The following DLGAP2 variants were observed in gnomAD, a reference collection of about 807,000 sequenced individuals.
DLGAP2 encodes disks large-associated protein 2.
A neutral mutation model predicts 100.3 loss-of-function variants in DLGAP2; 26 were observed. The observed-to-expected ratio is 0.26, with a 90% CI of 0.19 to 0.36. The LOEUF (loss-of-function observed/expected upper bound fraction) is 0.36. Among genes scored for constraint, DLGAP2 ranks in the 10% least tolerant of loss-of-function variants. The probability of loss-of-function intolerance (pLI) is 1.00; values close to 1 mark genes in which losing one functional copy is unlikely to be tolerated. For missense variants in DLGAP2, 1,858 were observed against 1,453.2 expected (o/e 1.28, Z -4.53); for synonymous variants, 886 against 630.1 (o/e 1.41, Z -6.08).
At chr8:1,204,217 C>T (rs1698762026) in intron 2 of DLGAP2, among the ~76,000 whole-genome samples, 2 of 152,224 alleles carry the variant, frequency 1.3e-5, no homozygotes, top group Non-Finnish European at 2.9e-5. Flanking sequence ...TTTTTATCTG[C>T]TCCTACTGTG....
intron 1 of DLGAP2, among the ~76,000 whole-genome samples, chr8:841,110 C>A (rs1256684215): frequency 6.6e-6 from 1 of 152,134 alleles, no homozygotes; most frequent in Admixed American, 6.5e-5. Flanking sequence ...AAACAACAGC[C>A]CTTCATCTAT....
At chr8:849,240 G>A (rs1401866332) in intron 1 of DLGAP2, among the ~76,000 whole-genome samples, 1 of 152,206 alleles carries the variant, frequency 6.6e-6, no homozygotes, top group Non-Finnish European at 1.5e-5. Flanking sequence ...TCCAGCATAG[G>A]ATCGCGTGGT....
At chr8:1,675,948 A>G (rs528553551) in intron 10 of DLGAP2, among the ~76,000 whole-genome samples, 17 of 152,170 alleles carry the variant, frequency 1.1e-4, no homozygotes, top group Non-Finnish European at 2.1e-4. Context: ...TACAGCCACA[A>G]TCAGAATTCT....
intron 3 of DLGAP2, among the ~76,000 whole-genome samples, chr8:1,340,467 G>A (rs769855431): frequency 6.6e-6 from 1 of 152,170 alleles, no homozygotes. Context: ...GCCAGCAGTC[G>A]TTTGAAGAAA....
At chr8:960,902 G>T (rs1462745422) in intron 2 of DLGAP2, among the ~76,000 whole-genome samples, 1 of 152,208 alleles carries the variant, frequency 6.6e-6, no homozygotes, top group Admixed American at 6.5e-5. Context: ...CTCAAAAATT[G>T]TAAGTTGAAC....
intron 8 of DLGAP2, among the ~76,000 whole-genome samples, chr8:1,635,852 C>T (rs116879379): frequency 0.036 from 5,415 of 152,284 alleles, 140 homozygotes; most frequent in South Asian, 0.059. Context: ...TCCCAGAGGA[C>T]GTCTGTTGGT....
intron 2 of DLGAP2, among the ~76,000 whole-genome samples, chr8:921,785 C>T (rs1292068955): frequency 1.3e-5 from 2 of 152,268 alleles, no homozygotes; most frequent in Non-Finnish European, 2.9e-5. Context: ...TGGCCACGTC[C>T]TGGCTCTTCT....
chr8:1,222,900 G>A (rs78836519), intron 2 of DLGAP2, among the ~76,000 whole-genome samples: 5,664 of 152,160 alleles, frequency 0.037, 161 homozygotes, highest in South Asian at 0.099. Context: ...CCGGCCAGCC[G>A]TGCTCTCTCC....
At chr8:1,616,145 G>T (rs1797146216) in intron 6 of DLGAP2, among the ~76,000 whole-genome samples, 1 of 152,110 alleles carries the variant, frequency 6.6e-6, no homozygotes, top group African/African-American at 2.4e-5. Context: ...AGAGCGAATT[G>T]AGAGAGCAGG....
intron 3 of DLGAP2, among the ~76,000 whole-genome samples, chr8:1,382,929 G>A: frequency 6.6e-6 from 1 of 152,184 alleles, no homozygotes; most frequent in East Asian, 1.9e-4. Flanking sequence ...GTGTGCGTGT[G>A]TGTGTGTGTA....
chr8:928,018 C>G (rs1404877685), intron 2 of DLGAP2, among the ~76,000 whole-genome samples: 2 of 152,164 alleles, frequency 1.3e-5, no homozygotes, highest in African/African-American at 4.8e-5. Flanking sequence ...GGATGCCGGC[C>G]AGCCATGGGG....
chr8:1,100,527 T>C (rs1014584388), intron 2 of DLGAP2, among the ~76,000 whole-genome samples: 1 of 152,162 alleles, frequency 6.6e-6, no homozygotes, highest in African/African-American at 2.4e-5. Context: ...TGTGTGTGCG[T>C]GCACGTGCCT....
intron 8 of DLGAP2, among the ~76,000 whole-genome samples, chr8:1,651,309 AC>A (rs1798157763): frequency 6.6e-6 from 1 of 152,288 alleles, no homozygotes; most frequent in Non-Finnish European, 1.5e-5. Context: ...CCTGAGCCCA[AC>A]CGAATGAAGC....
At chr8:1,439,121 C>G (rs113235086) in intron 3 of DLGAP2, among the ~76,000 whole-genome samples, 3 of 152,128 alleles carry the variant, frequency 2.0e-5, no homozygotes, top group African/African-American at 7.2e-5. Flanking sequence ...TTTATCCTCC[C>G]TAATGATTTA....
chr8:1,181,807 C>G (rs868592546), intron 2 of DLGAP2, among the ~76,000 whole-genome samples: 5 of 152,104 alleles, frequency 3.3e-5, no homozygotes, highest in African/African-American at 7.2e-5. Context: ...GGAGGAGGCA[C>G]CCACGCAGAA....
At chr8:1,374,133 T>C (rs1211583864) in intron 3 of DLGAP2, among the ~76,000 whole-genome samples, 3 of 149,226 alleles carry the variant, frequency 2.0e-5, no homozygotes, top group Non-Finnish European at 2.9e-5. Context: ...AGGTTAGGTT[T>C]ACAGAGGGCT....
chr8:1,075,321 C>T (rs755538889), intron 2 of DLGAP2, among the ~76,000 whole-genome samples: 35 of 152,090 alleles, frequency 2.3e-4, no homozygotes, highest in Non-Finnish European at 4.0e-4. Flanking sequence ...GCAGGCGATG[C>T]GGATTGAGGC....
intron 3 of DLGAP2, among the ~76,000 whole-genome samples, chr8:1,360,731 G>T (rs1402039277): frequency 6.6e-6 from 1 of 152,086 alleles, no homozygotes; most frequent in Non-Finnish European, 1.5e-5. Context: ...TCGTTCTTCC[G>T]GTAGCTTCCA....
intron 2 of DLGAP2, among the ~76,000 whole-genome samples, chr8:948,056 G>C (rs1028131644): frequency 6.7e-6 from 1 of 149,082 alleles, no homozygotes; most frequent in Non-Finnish European, 1.5e-5. Flanking sequence ...ACCCCACCGC[G>C]TGTGCGCCAT....
Sources: gnomAD v4.1 joint callset for allele counts (sites outside exome capture counted in the v4.1 genomes callset) on GRCh38, gnomAD v4.1.1 for gene constraint, MANE v1.5 for transcripts, NCBI Gene and HGNC (gene_info 2026-07-23, HGNC 2026-07-21) for gene names.